NR3C1: variants seen among roughly 807,000 people sequenced by gnomAD.
NR3C1 encodes the protein nuclear receptor subfamily 3 group C member 1, also known as glucocorticoid receptor.
A neutral mutation model predicts 74.0 loss-of-function variants in NR3C1; 14 were observed. That is an observed-to-expected ratio of 0.19 (90% CI 0.12 to 0.30). NR3C1 has a LOEUF of 0.30. Among genes scored for constraint, NR3C1 ranks in the 10% least tolerant of loss-of-function variants. NR3C1 has a pLI of 1.00. For missense variants in NR3C1, 695 were observed against 909.8 expected (o/e 0.76, Z 3.04); for synonymous variants, 308 against 332.5 (o/e 0.93, Z 0.80).
chr5:143,343,262 T>C (rs940360724), intron 2 of NR3C1, among the ~76,000 whole-genome samples: 7 of 152,202 alleles, frequency 4.6e-5, no homozygotes, highest in African/African-American at 1.7e-4. Context: ...ACTCACAGGG[T>C]GACAATCAAC....
intron 2 of NR3C1, among the ~76,000 whole-genome samples, chr5:143,373,166 A>T (rs1489293866): frequency 1.3e-5 from 2 of 152,188 alleles, no homozygotes; most frequent in African/African-American, 2.4e-5. Flanking sequence ...ACCTAGCAGA[A>T]GTTGTAGATG....
chr5:143,402,471 G>T (rs922396588), intron 1 of NR3C1: 28 of 417,198 alleles, frequency 6.7e-5, no homozygotes, highest in East Asian at 1.6e-4. Flanking sequence ...GTTACAGGGG[G>T]TCTTTTTCTA....
chr5:143,306,185 C>T (rs1229223313), intron 4 of NR3C1, among the ~76,000 whole-genome samples: 9 of 152,100 alleles, frequency 5.9e-5, no homozygotes, highest in African/African-American at 2.2e-4. Context: ...AGGCCACTCC[C>T]TTAAAATAAA....
chr5:143,404,046 A>T (rs1840860630), upstream of NR3C1: 1 of 984,272 alleles, frequency 1.0e-6, no homozygotes, highest in Non-Finnish European at 1.2e-6. Context: ...TTTTCTCGCT[A>T]CCTCCTTCCC....
At chr5:143,333,766 CAAAA>C (rs1319395014) in intron 2 of NR3C1, among the ~76,000 whole-genome samples, 16 of 151,542 alleles carry the variant, frequency 1.1e-4, no homozygotes, top group Admixed American at 1.0e-3. Context: ...GACTCCATCT[CAAAA>C]AACAAACAAA....
intron 4 of NR3C1, among the ~76,000 whole-genome samples, chr5:143,307,019 C>T (rs1482686366): frequency 6.6e-6 from 1 of 151,462 alleles, no homozygotes; most frequent in East Asian, 1.9e-4. Context: ...GCCTCAGCCT[C>T]CCGAGTAGCT....
intron 1 of NR3C1, chr5:143,401,174 T>C (rs1840205512): frequency 3.0e-6 from 1 of 329,992 alleles, no homozygotes; most frequent in East Asian, 6.8e-5. Flanking sequence ...TTATAATTCA[T>C]TACATCTGAT....
chr5:143,294,157 A>AATAG (rs2151526340), intron 7 of NR3C1: 1 of 985,140 alleles, frequency 1.0e-6, no homozygotes, highest in Non-Finnish European at 1.2e-6. Context: ...GAAATGTTTA[A>AATAG]ATAGATATGA....
intron 4 of NR3C1, among the ~76,000 whole-genome samples, chr5:143,304,530 T>C (rs1467005202): frequency 6.6e-6 from 1 of 152,050 alleles, no homozygotes; most frequent in Non-Finnish European, 1.5e-5. Context: ...AACTACAATG[T>C]CATTTTTCAC....
chr5:143,346,608 C>A (rs1472328721), intron 2 of NR3C1, among the ~76,000 whole-genome samples: 1 of 152,038 alleles, frequency 6.6e-6, no homozygotes, highest in Non-Finnish European at 1.5e-5. Context: ...TGGTTGACGT[C>A]GTGATTACAA....
At chr5:143,367,491 C>G (rs906179642) in intron 2 of NR3C1, among the ~76,000 whole-genome samples, 1 of 152,118 alleles carries the variant, frequency 6.6e-6, no homozygotes, top group Admixed American at 6.5e-5. Context: ...ATGACATGAT[C>G]TTATATATAG....
intron 5 of NR3C1, among the ~76,000 whole-genome samples, chr5:143,299,133 C>CTA (rs1817944377): frequency 6.6e-6 from 1 of 151,288 alleles, no homozygotes; most frequent in African/African-American, 2.4e-5. Flanking sequence ...TCAGTGCCAG[C>CTA]CTCCCAAGTA....
chr5:143,289,854 CATACATTTCTGGTAAATGTT>C (rs1815450437), intron 7 of NR3C1, among the ~76,000 whole-genome samples: 1 of 152,158 alleles, frequency 6.6e-6, no homozygotes, highest in African/African-American at 2.4e-5. Flanking sequence ...TAAGAAGTCT[CATACATTTCTGGTAAATGTT>C]AACAATTGCG....
intron 2 of NR3C1, among the ~76,000 whole-genome samples, chr5:143,357,805 A>AAT (rs1327918704): frequency 6.6e-6 from 1 of 152,228 alleles, no homozygotes; most frequent in Non-Finnish European, 1.5e-5. Flanking sequence ...TGTCTATTTT[A>AAT]AGGTGGTATA....
chr5:143,333,760 C>G (rs113479733), intron 2 of NR3C1, among the ~76,000 whole-genome samples: 1,907 of 152,050 alleles, frequency 0.013, 38 homozygotes, highest in African/African-American at 0.043. Flanking sequence ...GAGCGAGACT[C>G]CATCTCAAAA....
At position 143,316,030 on chromosome 5, in the gene NR3C1, C is replaced by T. The variant is rs61753474; in HGVS notation, c.1185-1862G>A. On this transcript the variant is annotated intron_variant, in intron 2 of 8. Coordinates refer to ENST00000394464, the MANE Select transcript of NR3C1 (RefSeq NM_000176.3). The stretch of plus-strand genomic sequence containing the variant: ...TTGTAGATGCTTCCGTATTACAAGG[C>T]ATTCATTCCCTGCTAGATTTGGGCG... 4.0e-4 allele frequency among the ~76,000 whole-genome samples: 61 copies of T among 152,306 alleles called. 1 individual carries two copies. Among genetic ancestry groups the T allele is most frequent in the African/African-American group, 1.1e-3 (46 of 41,566 alleles).
intron 1 of NR3C1, among the ~76,000 whole-genome samples, chr5:143,415,474 T>C (rs1841446833): frequency 1.3e-5 from 2 of 152,326 alleles, no homozygotes; most frequent in South Asian, 2.1e-4. Flanking sequence ...ATTTATTGTA[T>C]ATTTTCAAAT....
At chr5:143,395,485 C>T (rs1360140162) in intron 2 of NR3C1, among the ~76,000 whole-genome samples, 1 of 151,708 alleles carries the variant, frequency 6.6e-6, no homozygotes, top group Non-Finnish European at 1.5e-5. Flanking sequence ...AACAAGTGCC[C>T]ATTAATCTGG....
chr5:143,378,138 C>T (rs1835548141), intron 2 of NR3C1, among the ~76,000 whole-genome samples: 2 of 152,056 alleles, frequency 1.3e-5, no homozygotes, highest in African/African-American at 4.8e-5. Context: ...ATAGTCCAAG[C>T]TACTTGGGAG....
Sources: gnomAD v4.1 joint callset for allele counts (sites outside exome capture counted in the v4.1 genomes callset) on GRCh38, gnomAD v4.1.1 for gene constraint, MANE v1.5 for transcripts, NCBI Gene and HGNC (gene_info 2026-07-23, HGNC 2026-07-21) for gene names.